Variants in ZNF716 observed in about 807,000 individuals in gnomAD.
ZNF716 encodes the protein zinc finger protein 716.
A neutral mutation model predicts 13.4 loss-of-function variants in ZNF716; 9 were observed. The observed-to-expected ratio is 0.67, with a 90% confidence interval of 0.41 to 1.18. The LOEUF (loss-of-function observed/expected upper bound fraction) is 1.18. Among genes scored for constraint, ZNF716 ranks in the 50% most tolerant of loss-of-function variants. The probability of loss-of-function intolerance (pLI) is 0.01; values close to 1 mark genes in which losing one functional copy is unlikely to be tolerated. For missense variants in ZNF716, 581 were observed against 576.6 expected (o/e 1.01, Z -0.08); for synonymous variants, 186 against 195.2 (o/e 0.95, Z 0.39).
chr7:57,464,812 CA>C (rs1789777153), intron 3 of ZNF716, among the ~76,000 whole-genome samples: 1 of 151,916 alleles, frequency 6.6e-6, no homozygotes, highest in Non-Finnish European at 1.5e-5. Flanking sequence ...CAGTTTTCAA[CA>C]TTGTCTGTTG....
chr7:57,455,773 T>C lies in ZNF716; in HGVS notation c.39+5446T>C, dbSNP rs139767586. Among the ~76,000 whole-genome samples the C allele has an allele frequency of 2.1e-3, 318 of 152,184 alleles. 2 individuals are homozygous for C. Among genetic ancestry groups the C allele is most frequent in the African/African-American group, 7.5e-3 (310 of 41,548 alleles). On this transcript the variant is annotated intron_variant, in intron 1 of 3. Transcript: ENST00000420713. ...CTTCAGGTGATCCACCTGCCTCAGC[T>C]TCCCAAACTGCTGGGATTACAGACA...
intron 1 of ZNF716, among the ~76,000 whole-genome samples, chr7:57,457,858 C>G (rs1459908382): frequency 2.0e-5 from 3 of 152,140 alleles, no homozygotes; most frequent in Non-Finnish European, 4.4e-5. Context: ...TTATCTTTGT[C>G]CACATGTTCT....
At chr7:57,456,690 G>A (rs983962162) in intron 1 of ZNF716, among the ~76,000 whole-genome samples, 6 of 151,974 alleles carry the variant, frequency 3.9e-5, no homozygotes, top group African/African-American at 9.6e-5. Context: ...AGCCGAGATC[G>A]TGCCACTGCA....
chr7:57,469,946 A>G lies in ZNF716; in HGVS notation c.1485A>G (p.Glu495=), dbSNP rs781837359. The change falls in exon 4 of 4, where the codon GAA becomes GAG. Residue 495 remains glutamate (E), a synonymous_variant. Coordinates refer to ENST00000420713, the MANE Select transcript of ZNF716 (RefSeq NM_001159279.1). ...MHTGEKPYKY[E] is the part of the protein sequence containing the mutation. ...CTGGAGAGAAACCCTACAAATATGAATAATGTGGTAAAGTCCAGCCCTCAG... is the reference window on the plus strand; with the variant it reads ...CTGGAGAGAAACCCTACAAATATGAGTAATGTGGTAAAGTCCAGCCCTCAG... 2 of 1,549,516 alleles carry G rather than the reference A, an allele frequency of 1.3e-6. No individual in the cohort carries two copies. The highest frequency in any genetic ancestry group is 1.7e-6 in the Non-Finnish European group (2 of 1,147,724).
intron 1 of ZNF716, among the ~76,000 whole-genome samples, chr7:57,455,931 G>A (rs542027134): frequency 1.3e-5 from 2 of 150,040 alleles, no homozygotes; most frequent in African/African-American, 4.9e-5. Flanking sequence ...GGGTTGCATG[G>A]TTTTTTTTGT....
In ZNF716 at chr7:57,469,277, A is replaced by G. The variant is rs782640643; in HGVS notation, c.816A>G (p.Glu272=). Residue 272 remains glutamate (E), a synonymous_variant, in exon 4 of 4, where the codon GAA becomes GAG. Transcript: ENST00000420713. ...IHTGEKPYTC[E]ERGKVFSRST... is the part of the protein sequence containing the mutation. The stretch of plus-strand genomic sequence containing the variant: ...CTGGAGAGAAACCTTACACATGTGA[A>G]GAACGTGGCAAAGTCTTTAGCCGCT... 5.0e-6 allele frequency: 8 copies of G among 1,590,954 alleles called. No homozygotes were observed. The South Asian group carries it at 9.2e-5, about 18-fold the overall frequency.
rs1282438640 is a variant in ZNF716 at position 57,469,576 on chromosome 7, G to T, written c.1115G>T (p.Arg372Met). The T allele has an allele frequency of 5.6e-6, 9 of 1,612,510 alleles. No individual in the cohort carries two copies. The highest frequency in any genetic ancestry group is 7.6e-6 in the Non-Finnish European group (9 of 1,179,442). Residue 372 changes from arginine (R) to methionine (M), a missense_variant, in exon 4 of 4, where the codon AGG (arginine) becomes ATG (methionine). Coordinates refer to ENST00000420713, the MANE Select transcript of ZNF716 (RefSeq NM_001159279.1). ...TFSSTLNTHK[R>M]IHTGEKPYTC... ...TCCTCAACTCTAAATACTCATAAGA[G>T]GATTCATACTGGAGAGAAACCCTAC...
chr7:57,458,471 G>A (rs556797844), intron 1 of ZNF716, among the ~76,000 whole-genome samples: 2 of 150,844 alleles, frequency 1.3e-5, no homozygotes, highest in Non-Finnish European at 2.9e-5. Flanking sequence ...CGTCCAGACT[G>A]GAGTACAGTG....
chr7:57,472,165 A>G lies in ZNF716; in HGVS notation c.*2216A>G, dbSNP rs1433995636. The G allele has an allele frequency of 1.3e-5, 2 of 152,120 alleles. No individual in the cohort carries two copies. The highest frequency in any genetic ancestry group is 2.4e-5 in the African/African-American group (1 of 41,444). 9.4% of individuals were successfully genotyped at this position (152,120 alleles called of 1,614,324 possible). ...ATGCATAATGAAAATCTAAATGGAG[A>G]GGTTCTTTGTGGTTGACTTATAACA... On this transcript the variant is annotated 3_prime_UTR_variant, in exon 4 of 4. Transcript: ENST00000420713.
chr7:57,461,877 C>T (rs35357268), intron 1 of ZNF716, among the ~76,000 whole-genome samples: 58,414 of 151,960 alleles, frequency 0.38, 11,428 homozygotes, highest in East Asian at 0.51. Flanking sequence ...TAGACATGTC[C>T]GACTGGGTGC....
At position 57,462,510 on chromosome 7, in the gene ZNF716, G is replaced by A; in HGVS notation, c.90G>A (p.Trp30Ter). 6.2e-7 allele frequency: 1 copy of A among 1,613,870 alleles called. No homozygotes were observed. The highest frequency in any genetic ancestry group is 1.3e-5 in the African/African-American group (1 of 75,002). The change falls in exon 2 of 4, where the codon TGG becomes TGA. Residue 30 changes from tryptophan to a stop codon, truncating the protein, a stop_gained. Transcript: ENST00000420713. LOFTEE classifies it high-confidence loss of function. ...CTATAGAATTTTCTCTGGCGGAATG[G>A]CAATGCCTGGATCATGCTCAGCAGA... ...DIAIEFSLAE[W>*]QCLDHAQQNL...
chr7:57,466,310 A>T (rs1456045581), intron 3 of ZNF716, among the ~76,000 whole-genome samples: 1 of 152,066 alleles, frequency 6.6e-6, no homozygotes, highest in Non-Finnish European at 1.5e-5. Context: ...TGTTTAGCCT[A>T]GTTGGTTTAT....
At chr7:57,467,055 T>G (rs1407541389) in intron 3 of ZNF716, among the ~76,000 whole-genome samples, 3 of 148,888 alleles carry the variant, frequency 2.0e-5, no homozygotes, top group Non-Finnish European at 4.4e-5. Context: ...ATAAAGATTT[T>G]TTCTTTGTGC....
At chr7:57,452,861 C>T (rs1410839642) in intron 1 of ZNF716, among the ~76,000 whole-genome samples, 2 of 151,956 alleles carry the variant, frequency 1.3e-5, no homozygotes, top group Non-Finnish European at 2.9e-5. Flanking sequence ...CTACTGTGGC[C>T]GTGTCTGCTG....
intron 1 of ZNF716, among the ~76,000 whole-genome samples, chr7:57,453,306 TG>T (rs1242633337): frequency 3.3e-5 from 5 of 152,176 alleles, no homozygotes; most frequent in Non-Finnish European, 5.9e-5. Flanking sequence ...AGGATGCGCA[TG>T]GGAGACTCTC....
At chr7:57,455,174 T>C (rs558182133) in intron 1 of ZNF716, among the ~76,000 whole-genome samples, 1 of 152,130 alleles carries the variant, frequency 6.6e-6, no homozygotes, top group Non-Finnish European at 1.5e-5. Context: ...AATGGTATGA[T>C]AGAAGGGGGC....
intron 1 of ZNF716, among the ~76,000 whole-genome samples, chr7:57,454,291 T>C (rs1284476802): frequency 6.6e-6 from 1 of 152,258 alleles, no homozygotes; most frequent in African/African-American, 2.4e-5. Flanking sequence ...CTTTTGCTTT[T>C]CTTATTGAGC....
rs948278928 is a variant in ZNF716, at chr7:57,451,115, G to C, written c.39+788G>C. Among the ~76,000 whole-genome samples the C allele has an allele frequency of 9.1e-4, 138 of 151,972 alleles. 2 individuals carry two copies. Among genetic ancestry groups the C allele is most frequent in the Non-Finnish European group, 4.6e-4 (31 of 68,016 alleles). Reference sequence around the variant, plus strand: ...CAGCTCAATGCAACCGCCCTCCCGGGTTCAGGCGATTCTCCCGCCTCAGGC... The same window carrying C: ...CAGCTCAATGCAACCGCCCTCCCGGCTTCAGGCGATTCTCCCGCCTCAGGC... On this transcript the variant is annotated intron_variant, in intron 1 of 3. Transcript: ENST00000420713.
At chr7:57,467,766 G>A (rs1394066796) in intron 3 of ZNF716, among the ~76,000 whole-genome samples, 13 of 151,278 alleles carry the variant, frequency 8.6e-5, no homozygotes, top group South Asian at 4.2e-4. Flanking sequence ...TTACCTACAC[G>A]TTTGTTTATT....
Sources: gnomAD v4.1 joint callset for allele counts (sites outside exome capture counted in the v4.1 genomes callset) on GRCh38, gnomAD v4.1.1 for gene constraint, MANE v1.5 for transcripts, NCBI Gene and HGNC (gene_info 2026-07-23, HGNC 2026-07-21) for gene names.